Variants in KCNC2 observed in about 807,000 individuals in gnomAD.
KCNC2 encodes voltage-gated potassium channel KCNC2.
Under a neutral mutation model 44.5 loss-of-function variants are expected in KCNC2, and 21 were observed. That is an observed-to-expected ratio of 0.47 (90% confidence interval 0.33 to 0.68). The LOEUF (loss-of-function observed/expected upper bound fraction) is 0.68, where lower values mean the gene tolerates loss of function less well. KCNC2 is among the 30% of genes least tolerant of loss of function. KCNC2 has a pLI of 0.01. For synonymous variants in KCNC2, 391 were observed against 339.1 expected, an observed-to-expected ratio of 1.15 and a Z score of -1.68; for missense variants, 589 against 826.2, an observed-to-expected ratio of 0.71 and a Z score of 3.52.
intron 2 of KCNC2, among the ~76,000 whole-genome samples, chr12:75,070,916 A>G (rs931402746): frequency 1.1e-4 from 16 of 152,186 alleles, no homozygotes; most frequent in Non-Finnish European, 2.1e-4. Flanking sequence ...CATTCTTTTA[A>G]AATTAATAGT....
At chr12:75,069,129 C>CTTTTTTTTTTTTTTTTTTTTTTTT (rs1158151551) in intron 2 of KCNC2, among the ~76,000 whole-genome samples, 1 of 63,648 alleles carries the variant, frequency 1.6e-5, no homozygotes, top group African/African-American at 6.0e-5. Context: ...TTTATATAAT[C>CTTTTTTTTTTTTTTTTTTTTTTTT]TTTTTTTTTT....
intron 2 of KCNC2, among the ~76,000 whole-genome samples, chr12:75,075,655 G>T (rs1883888524): frequency 6.6e-6 from 1 of 151,726 alleles, no homozygotes; most frequent in South Asian, 2.1e-4. Context: ...TAGAATCTTA[G>T]AACCTTGGAC....
intron 2 of KCNC2, among the ~76,000 whole-genome samples, chr12:75,060,576 C>T (rs552141229): frequency 6.1e-4 from 93 of 152,056 alleles, no homozygotes; most frequent in Non-Finnish European, 1.0e-3. Flanking sequence ...AGCAATTCTC[C>T]CTCCTCAGCC....
At position 75,041,244 on chromosome 12, in the gene KCNC2, T is replaced by A. The variant is rs1369284332; in HGVS notation, c.*1861A>T. The A allele has an allele frequency of 6.3e-7, 1 of 1,591,224 alleles. No individual in the cohort carries two copies. Among genetic ancestry groups the A allele is most frequent in the Non-Finnish European group, 8.5e-7 (1 of 1,175,460 alleles). ...ACAGCAGCACCAGACAGCATATTAA[T>A]TCTTTTACCATAAATTTGTGTGTAA... is the stretch of plus-strand genomic sequence containing the variant. On this transcript the variant is annotated 3_prime_UTR_variant, in exon 5 of 5. Transcript: ENST00000549446.
chr12:75,109,824 G>C (rs1028710813), intron 2 of KCNC2, among the ~76,000 whole-genome samples: 1 of 151,892 alleles, frequency 6.6e-6, no homozygotes, highest in African/African-American at 2.4e-5. Context: ...AGAGAAGTCT[G>C]GTGATAACTT....
At chr12:75,182,536 AAC>A (rs1414623347) in intron 2 of KCNC2, among the ~76,000 whole-genome samples, 5 of 137,686 alleles carry the variant, frequency 3.6e-5, no homozygotes, top group African/African-American at 1.3e-4. Flanking sequence ...AAAAAAAAAA[AAC>A]AAAAAAAACA....
At position 75,050,447 on chromosome 12, in the gene KCNC2, T is replaced by C; in HGVS notation, c.1558A>G (p.Thr520Ala). Reference sequence around the variant, plus strand: ...TTGCCCAGACATGTGTCACTCTGTGTACTATTGCAGGCCATATTTAATTCT... The same window carrying C: ...TTGCCCAGACATGTGTCACTCTGTGCACTATTGCAGGCCATATTTAATTCT... ...KTELNMACNS[T>A]QSDTCLGKDN... The change falls in exon 3 of 5, where the codon ACA (threonine) becomes GCA (alanine). Residue 520 changes from threonine to alanine, a missense_variant. By Grantham distance (58) the Thr-to-Ala change is moderately conservative. This residue lies in a region of KCNC2 where 171 missense variants were observed against 182.4 expected (regional missense o/e 0.94). Transcript: ENST00000549446. The C allele has an allele frequency of 1.2e-6, 2 of 1,613,658 alleles. No individual in the cohort carries two copies. The highest frequency in any genetic ancestry group is 1.7e-6 in the Non-Finnish European group (2 of 1,179,740).
At chr12:75,167,440 C>T (rs986802137) in intron 2 of KCNC2, among the ~76,000 whole-genome samples, 1 of 151,254 alleles carries the variant, frequency 6.6e-6, no homozygotes, top group Non-Finnish European at 1.5e-5. Flanking sequence ...ACAGTTTTCT[C>T]TTTAGAAATA....
chr12:75,205,818 G>A (rs749893573), intron 2 of KCNC2, among the ~76,000 whole-genome samples: 5 of 147,302 alleles, frequency 3.4e-5, no homozygotes, highest in Admixed American at 6.9e-5. Flanking sequence ...ATGCACTTGC[G>A]GTTTTGTTTG....
In KCNC2 at chr12:75,138,952, G is replaced by T. The variant is rs1250243896; in HGVS notation, c.687+68345C>A. ...GCGGAGATCGCGCCACTGCACTCCT[G>T]CCTGGGCCACAGAGCGAGACTCCGT... On this transcript the variant is annotated intron_variant, in intron 2 of 4. Coordinates refer to ENST00000549446, the MANE Select transcript of KCNC2 (RefSeq NM_139137.4). Among the ~76,000 whole-genome samples, 4 of 129,734 alleles carry T rather than the reference G, an allele frequency of 3.1e-5. No individual in the cohort carries two copies. The East Asian group carries it at 7.7e-4, about 25-fold the overall frequency. 85.1% of individuals were successfully genotyped at this position (129,734 alleles called of 152,430 possible). A position where few individuals can be genotyped will look rare whatever the true frequency, so the allele number is the denominator to read the frequency against.
In KCNC2 at chr12:75,042,920, T is replaced by A; in HGVS notation, c.*185A>T. On this transcript the variant is annotated 3_prime_UTR_variant, in exon 5 of 5. Transcript: ENST00000549446. ...TCTTAGCACTACTTTAGACAATCTT[T>A]AAAGCCTGGGTAAGATTCATTAGCT... 7.2e-7 allele frequency: 1 copy of A among 1,398,124 alleles called. No individual in the cohort carries two copies. The highest frequency in any genetic ancestry group is 1.5e-5 in the African/African-American group (1 of 68,746). 86.6% of individuals were successfully genotyped at this position (1,398,124 alleles called of 1,614,324 possible).
chr12:75,145,514 T>C (rs1369004928), intron 2 of KCNC2, among the ~76,000 whole-genome samples: 2 of 152,284 alleles, frequency 1.3e-5, no homozygotes, highest in East Asian at 3.9e-4. Flanking sequence ...AATGATTACT[T>C]TCAAAGTCTT....
intron 2 of KCNC2, among the ~76,000 whole-genome samples, chr12:75,085,248 A>G (rs1884899861): frequency 2.0e-5 from 3 of 152,016 alleles, no homozygotes; most frequent in Admixed American, 2.0e-4. Context: ...TAACCTCTTC[A>G]TCTTGATTAT....
At chr12:75,069,018 A>C (rs1397674500) in intron 2 of KCNC2, among the ~76,000 whole-genome samples, 1 of 152,064 alleles carries the variant, frequency 6.6e-6, no homozygotes, top group Non-Finnish European at 1.5e-5. Context: ...AGTCATTGGA[A>C]AAGGAGAGTT....
At chr12:75,076,523 C>T (rs1330952877) in intron 2 of KCNC2, among the ~76,000 whole-genome samples, 7 of 152,102 alleles carry the variant, frequency 4.6e-5, no homozygotes, top group African/African-American at 1.4e-4. Flanking sequence ...CCGCCCGCCT[C>T]GGCCTCCCAA....
At chr12:75,102,729 G>C (rs1055175482) in intron 2 of KCNC2, among the ~76,000 whole-genome samples, 4 of 151,950 alleles carry the variant, frequency 2.6e-5, no homozygotes, top group African/African-American at 9.7e-5. Flanking sequence ...ATCAAGGACA[G>C]TATAGAAAAA....
chr12:75,108,048 C>T (rs1026218144), intron 2 of KCNC2, among the ~76,000 whole-genome samples: 2 of 152,112 alleles, frequency 1.3e-5, no homozygotes, highest in Non-Finnish European at 2.9e-5. Flanking sequence ...TGGGAGCTGG[C>T]ACATTACTTC....
chr12:75,057,631 T>TAA (rs142846037), intron 2 of KCNC2, among the ~76,000 whole-genome samples: 2,537 of 152,148 alleles, frequency 0.017, 72 homozygotes, highest in African/African-American at 0.056. Context: ...TGTCTATATA[T>TAA]AAATGTGTGT....
chr12:75,137,537 T>C (rs1889317958), intron 2 of KCNC2, among the ~76,000 whole-genome samples: 1 of 152,160 alleles, frequency 6.6e-6, no homozygotes, highest in Non-Finnish European at 1.5e-5. Context: ...AATAATGACA[T>C]AATCACATCC....
Sources: gnomAD v4.1 joint callset for allele counts (sites outside exome capture counted in the v4.1 genomes callset) on GRCh38, gnomAD v4.1.1 for gene constraint, gnomAD v4.1.1 regional missense constraint, MANE v1.5 for transcripts, NCBI Gene and HGNC (gene_info 2026-07-23, HGNC 2026-07-21) for gene names.